Variants in SLCO2B1 observed in about 807,000 individuals in gnomAD.
SLCO2B1 encodes the protein OATP-RP2.
In SLCO2B1, 41 loss-of-function variants were observed where a neutral mutation model predicts 67.3. The ratio of observed to expected loss-of-function variants is 0.61; its 90% CI spans 0.47 to 0.79. SLCO2B1 has a LOEUF of 0.79. Ranked by LOEUF, SLCO2B1 falls within the 30% of genes least tolerant of loss-of-function variation. The pLI is 0.00. For missense variants in SLCO2B1, 837 were observed against 920.1 expected, an observed-to-expected ratio of 0.91 and a Z score of 1.17; for synonymous variants, 379 against 381.4, an observed-to-expected ratio of 0.99 and a Z score of 0.07.
intron 1 of SLCO2B1, among the ~76,000 whole-genome samples, chr11:75,162,341 T>C (rs1385505169): frequency 6.6e-6 from 1 of 152,194 alleles, no homozygotes; most frequent in East Asian, 1.9e-4. Context: ...TGCAGGTGTG[T>C]TGTGTAGAGA....
rs1200634965 is a variant in SLCO2B1 at position 75,196,402 on chromosome 11, T to C, written c.1434-112T>C. The C allele has an allele frequency of 4.7e-6, 5 of 1,072,320 alleles. No homozygotes were observed. In the Admixed American group the frequency reaches 1.0e-4, roughly 22 times the overall value. 66.4% of individuals were successfully genotyped at this position (1,072,320 alleles called of 1,614,324 possible). On this transcript the variant is annotated intron_variant, in intron 9 of 13. Transcript: ENST00000289575. ...CAGCCCTGATGATGAAAATCCTCTG[T>C]GTGGAGCTGAAATCTCTGGCCATTG...
In SLCO2B1 at chr11:75,193,270, G is replaced by A; in HGVS notation, c.1128G>A (p.Val376=). The A allele has an allele frequency of 6.2e-7, 1 of 1,613,806 alleles. No individual in the cohort carries two copies. Among genetic ancestry groups the A allele is most frequent in the Non-Finnish European group, 8.5e-7 (1 of 1,180,002 alleles). ...QTLRHPIFLL[V]VLSQVCLSSM... ...TACGCCACCCCATCTTCCTGCTGGT[G>A]GTCCTGTCCCAGGTATGCTTGTCAT... Residue 376 remains valine (V), a synonymous_variant, in exon 9 of 14, where the codon GTG becomes GTA. Transcript: ENST00000289575. The surrounding 1 kb of genome is among the most constrained non-coding windows in gnomAD (Gnocchi z 4.2).
chr11:75,181,167 G>A (rs1312591945), intron 7 of SLCO2B1, among the ~76,000 whole-genome samples: 4 of 152,018 alleles, frequency 2.6e-5, no homozygotes, highest in Non-Finnish European at 5.9e-5. Flanking sequence ...TTAGAAGCTC[G>A]AGACCTGCCT....
chr11:75,151,411 A>G lies in SLCO2B1; in HGVS notation c.16+14A>G. The G allele has an allele frequency of 6.2e-7, 1 of 1,613,710 alleles. No homozygotes were observed. On this transcript the variant is annotated intron_variant, in intron 1 of 13. Coordinates refer to ENST00000289575, the MANE Select transcript of SLCO2B1 (RefSeq NM_007256.5). ...GACCCAGGATAGGTAAGTCCGAACA[A>G]ATTAAGGAAGGGCCATGGAGAGCAA...
Position 75,163,999 on chromosome 11 carries a change from C to CCTAAAG in SLCO2B1, c.184_185insCTAAAG (p.Gln62delinsProLysGlu). The CCTAAAG allele has an allele frequency of 6.2e-7, 1 of 1,604,920 alleles. No homozygotes were observed. Among genetic ancestry groups the CCTAAAG allele is most frequent in the Non-Finnish European group, 8.5e-7 (1 of 1,175,850 alleles). On this transcript the variant is annotated protein_altering_variant, in exon 3 of 14. Transcript: ENST00000289575. ...GTGCCACAGCCTGCTGCAGCTGGCGCAGCTCATGATCTCCGGCTACCTAAA... is the reference window on the plus strand; with the variant it reads ...GTGCCACAGCCTGCTGCAGCTGGCGCCTAAAGAGCTCATGATCTCCGGCTACCTAAA...
intron 7 of SLCO2B1, among the ~76,000 whole-genome samples, chr11:75,176,226 C>G (rs1034179576): frequency 1.3e-5 from 2 of 152,146 alleles, no homozygotes; most frequent in African/African-American, 4.8e-5. Context: ...AGTGGTGCTC[C>G]CATTCAGCCA....
intron 1 of SLCO2B1, among the ~76,000 whole-genome samples, chr11:75,154,875 A>G (rs1949729638): frequency 6.6e-6 from 1 of 152,236 alleles, no homozygotes; most frequent in South Asian, 2.1e-4. Context: ...GGTCAATTTA[A>G]GCAGAGAGAG....
intron 1 of SLCO2B1, among the ~76,000 whole-genome samples, chr11:75,153,950 G>A (rs1280997790): frequency 7.6e-6 from 1 of 132,088 alleles, no homozygotes; most frequent in East Asian, 2.2e-4. Flanking sequence ...TTTTGAGACA[G>A]AGTCTTACCC....
At position 75,203,126 on chromosome 11, in the gene SLCO2B1, T is replaced by C. The variant is rs1591840659; in HGVS notation, c.1828+161T>C. On this transcript the variant is annotated intron_variant, in intron 12 of 13. Transcript: ENST00000289575. Reference sequence around the variant, plus strand: ...GGCCCAGCTCTCCTAGAGCGGGGTATAGAGGCAGAGTCTAGACAGCCCGTC... The same window carrying C: ...GGCCCAGCTCTCCTAGAGCGGGGTACAGAGGCAGAGTCTAGACAGCCCGTC... 9 of 1,145,840 alleles carry C rather than the reference T, an allele frequency of 7.9e-6. No homozygotes were observed. The African/African-American group carries it at 9.1e-5, about 12-fold the overall frequency. The allele number at this position is 1,145,840 out of a possible 1,614,324, so 71.0% of individuals were successfully genotyped here.
At chr11:75,151,704 C>T (rs1949692992) in intron 1 of SLCO2B1, 2 of 478,690 alleles carry the variant, frequency 4.2e-6, no homozygotes. Flanking sequence ...AGCCGTTTCC[C>T]CTCTCAAAGG....
At chr11:75,162,572 C>A in intron 1 of SLCO2B1, 83 bp from the exon 2 acceptor site, 1 of 1,435,732 alleles carries the variant, frequency 7.0e-7, no homozygotes, top group Non-Finnish European at 9.4e-7. Context: ...GACCTTGGTT[C>A]TGAGGTCTAG....
rs765165689 is a variant in SLCO2B1 at position 75,203,286 on chromosome 11, CCT to C, written c.1829-20_1829-19del. The stretch of plus-strand genomic sequence containing the variant: ...GTAGGACGGTGGGCCTTCATTGTCC[CCT>C]GAGCACCACCTCCCTCAGCCTGGAT... On this transcript the variant is annotated intron_variant, in intron 12 of 13. Coordinates refer to ENST00000289575, the MANE Select transcript of SLCO2B1 (RefSeq NM_007256.5). 3 of 1,611,228 alleles carry C rather than the reference CCT, an allele frequency of 1.9e-6. No homozygotes were observed. Among genetic ancestry groups the C allele is most frequent in the Admixed American group, 3.3e-5 (2 of 59,994 alleles).
chr11:75,203,310 G>A lies in SLCO2B1; in HGVS notation c.1832G>A (p.Trp611Ter), dbSNP rs2140349049. Residue 611 changes from tryptophan to a stop codon, truncating the protein, a stop_gained, in exon 13 of 14, where the codon TGG (tryptophan) becomes TAG (stop). Transcript: ENST00000289575. LOFTEE classifies it high-confidence loss of function. ...IQFMFLRILA[W>*]MPSPVIHGSA... ...CCCTGAGCACCACCTCCCTCAGCCTGGATGCCCAGCCCCGTGATCCACGGC... is the reference window on the plus strand; with the variant it reads ...CCCTGAGCACCACCTCCCTCAGCCTAGATGCCCAGCCCCGTGATCCACGGC... 1.2e-6 allele frequency: 2 copies of A among 1,613,492 alleles called. No homozygotes were observed. Among genetic ancestry groups the A allele is most frequent in the East Asian group, 4.5e-5 (2 of 44,866 alleles).
At position 75,178,631 on chromosome 11, in the gene SLCO2B1, TTG is replaced by T. The variant is rs1401018085; in HGVS notation, c.972+6071_972+6072del. ...TGCCTTACCTCACTTACTTATCTTTTTGTGTGTGTGGTGAGAACACTTAAAAC... is the reference window on the plus strand; with the variant it reads ...TGCCTTACCTCACTTACTTATCTTTTTGTGTGTGGTGAGAACACTTAAAAC... On this transcript the variant is annotated intron_variant, in intron 7 of 13. Coordinates refer to ENST00000289575, the MANE Select transcript of SLCO2B1 (RefSeq NM_007256.5). Among the ~76,000 whole-genome samples, 35 of 152,336 alleles carry T rather than the reference TTG, an allele frequency of 2.3e-4. No homozygotes were observed. In the East Asian group the frequency reaches 5.8e-3, roughly 25 times the overall value.
chr11:75,179,983 C>T (rs1327879061), intron 7 of SLCO2B1, among the ~76,000 whole-genome samples: 1 of 151,178 alleles, frequency 6.6e-6, no homozygotes, highest in East Asian at 2.0e-4. Flanking sequence ...TGAGCCACCA[C>T]ACCTGGCCCT....
intron 8 of SLCO2B1, among the ~76,000 whole-genome samples, chr11:75,189,446 C>A (rs1591830533): frequency 6.6e-6 from 1 of 152,140 alleles, no homozygotes; most frequent in African/African-American, 2.4e-5. Flanking sequence ...CCTCTTTATG[C>A]TATTAAAAAA....
intron 11 of SLCO2B1, chr11:75,202,556 G>A: frequency 3.4e-6 from 1 of 290,724 alleles, no homozygotes; most frequent in Non-Finnish European, 6.6e-6. Context: ...GGAAGTGTCT[G>A]ACTGTCCCAG....
In SLCO2B1 at chr11:75,196,623, C is replaced by G; in HGVS notation, c.1543C>G (p.Pro515Ala). 1 of 1,614,058 alleles carries G rather than the reference C, an allele frequency of 6.2e-7. No individual in the cohort carries two copies. The highest frequency in any genetic ancestry group is 8.5e-7 in the Non-Finnish European group (1 of 1,180,040). Residue 515 changes from proline to alanine, a missense_variant, in exon 10 of 14, where the codon CCC (proline) becomes GCC (alanine). By Grantham distance (27) the Pro-to-Ala change is conservative (BLOSUM62 -1). Transcript: ENST00000289575. ...DPSTRVEYITPCHAGCSSWVV... is the reference protein window; with the variant it reads ...DPSTRVEYITACHAGCSSWVV... Reference sequence around the variant, plus strand: ...CAGCACTCGTGTGGAATACATCACACCCTGCCACGCAGGCTGCTCAAGCTG... The same window carrying G: ...CAGCACTCGTGTGGAATACATCACAGCCTGCCACGCAGGCTGCTCAAGCTG...
chr11:75,161,276 G>A (rs1949816980), intron 1 of SLCO2B1, among the ~76,000 whole-genome samples: 1 of 152,236 alleles, frequency 6.6e-6, no homozygotes, highest in Admixed American at 6.5e-5. Context: ...ATGAGTGTTT[G>A]TCAGGGAAGA....
Sources: allele counts gnomAD v4.1 joint callset (sites outside exome capture counted in the v4.1 genomes callset), GRCh38; gene constraint gnomAD v4.1.1; non-coding constraint Gnocchi (gnomAD v3.1); transcripts MANE v1.5; gene names NCBI Gene and HGNC (gene_info 2026-07-23, HGNC 2026-07-21).